GCSAML: variants seen among roughly 807,000 people sequenced by gnomAD.
GCSAML encodes the protein germinal center-associated signaling and motility-like protein.
In GCSAML, 9 loss-of-function variants were observed where a neutral mutation model predicts 13.0. That is an observed-to-expected ratio of 0.69 (90% CI 0.42 to 1.21). The LOEUF is 1.21. GCSAML is among the 50% of genes most tolerant of loss of function. GCSAML has a pLI of 0.00. For missense variants in GCSAML, 143 were observed against 153.4 expected (o/e 0.93, Z 0.36); for synonymous variants, 37 against 52.9 (o/e 0.70, Z 1.31).
intron 4 of GCSAML, 129 bp downstream of exon 4, chr1:247,566,088 T>A: frequency 6.6e-6 from 4 of 602,454 alleles, no homozygotes; most frequent in East Asian, 3.3e-5. Flanking sequence ...AATTTCTAAA[T>A]GTACTTTTAG....
intron 2 of GCSAML, 79 bp downstream of exon 2, chr1:247,556,545 C>A: frequency 1.0e-6 from 1 of 978,986 alleles, no homozygotes; most frequent in Non-Finnish European, 1.6e-6. Context: ...GAGTCTCTGC[C>A]CCACTAGAAC....
intron 2 of GCSAML, among the ~76,000 whole-genome samples, chr1:247,560,617 T>C (rs1434063554): frequency 6.6e-6 from 1 of 152,202 alleles, no homozygotes; most frequent in African/African-American, 2.4e-5. Flanking sequence ...TTTCTTGAGC[T>C]ATGAATGAAA....
In GCSAML at chr1:247,521,725, C is replaced by T. The variant is rs552696673; in HGVS notation, c.-262-5215C>T. Among the ~76,000 whole-genome samples the T allele has an allele frequency of 1.1e-4, 17 of 152,322 alleles. 1 individual carries two copies. Among genetic ancestry groups the T allele is most frequent in the South Asian group, 6.2e-4 (3 of 4,830 alleles). ...GGAGCGCAGTGGCATGATCTCAGCT[C>T]GCTACAACCTCCACCTCCCAGCCGC... is the stretch of plus-strand genomic sequence containing the variant. On this transcript the variant is annotated intron_variant, in intron 1 of 5. Coordinates refer to the GCSAML transcript ENST00000366489.
intron 2 of GCSAML, among the ~76,000 whole-genome samples, chr1:247,560,863 C>T (rs1438251561): frequency 1.3e-5 from 2 of 152,008 alleles, no homozygotes; most frequent in African/African-American, 4.8e-5. Flanking sequence ...TTGTTTTTTC[C>T]CCTGTGAAGT....
intron 3 of GCSAML, among the ~76,000 whole-genome samples, chr1:247,564,289 T>A (rs1292914964): frequency 6.6e-6 from 1 of 151,734 alleles, no homozygotes. Context: ...GGTGCACTCC[T>A]GTAGTCCCAG....
intron 1 of GCSAML, among the ~76,000 whole-genome samples, chr1:247,508,106 G>A (rs1665890247): frequency 6.6e-6 from 1 of 152,164 alleles, no homozygotes; most frequent in Admixed American, 6.5e-5. Flanking sequence ...TTCCACAATG[G>A]TTGAACTAAT....
intron 4 of GCSAML, among the ~76,000 whole-genome samples, chr1:247,567,334 C>A (rs1472841768): frequency 6.6e-6 from 1 of 151,926 alleles, no homozygotes; most frequent in African/African-American, 2.4e-5. Context: ...CCTTGCCCCC[C>A]ACACCCCAAC....
At chr1:247,571,083 T>C (rs373027225) in intron 4 of GCSAML, among the ~76,000 whole-genome samples, 1 of 152,148 alleles carries the variant, frequency 6.6e-6, no homozygotes, top group Non-Finnish European at 1.5e-5. Flanking sequence ...TTATTTTGAG[T>C]GTATGTGTGT....
At chr1:247,514,785 A>G (rs959895714) in intron 1 of GCSAML, among the ~76,000 whole-genome samples, 6 of 152,168 alleles carry the variant, frequency 3.9e-5, no homozygotes, top group Non-Finnish European at 7.4e-5. Context: ...ATTTAGCTTT[A>G]ATTACGGTTT....
chr1:247,522,456 G>A (rs1436291958), intron 1 of GCSAML, among the ~76,000 whole-genome samples: 3 of 144,264 alleles, frequency 2.1e-5, no homozygotes, highest in Non-Finnish European at 4.6e-5. Flanking sequence ...TGACGATGGC[G>A]GTTTTGTTGA....
rs1269007867 is a variant in GCSAML at position 247,527,394 on chromosome 1, A to T, written c.-148+340A>T. On this transcript the variant is annotated intron_variant, in intron 2 of 5. Coordinates refer to the GCSAML transcript ENST00000366489. The surrounding 1 kb of genome is among the most constrained non-coding windows in gnomAD (Gnocchi z 4.6). ...AGATATTTGGGGTAACGGGTCCCAG[A>T]GGGTCCTACTGCCACTTCCTCATTG... 1 of 166,880 alleles carries T rather than the reference A, an allele frequency of 6.0e-6. No homozygotes were observed. Among genetic ancestry groups the T allele is most frequent in the Non-Finnish European group, 1.3e-5 (1 of 77,298 alleles). The allele number at this position is 166,880 out of a possible 1,614,324, so 10.3% of individuals were successfully genotyped here. A position where few individuals can be genotyped will look rare whatever the true frequency, so the allele number is the denominator to read the frequency against.
intron 1 of GCSAML, among the ~76,000 whole-genome samples, chr1:247,523,558 A>T (rs1666533979): frequency 6.6e-6 from 1 of 152,212 alleles, no homozygotes; most frequent in Non-Finnish European, 1.5e-5. Flanking sequence ...TTTGTTCATT[A>T]TCCACATGGA....
chr1:247,531,318 T>C, intron 2 of GCSAML: 1 of 557,450 alleles, frequency 1.8e-6, no homozygotes, highest in Non-Finnish European at 3.2e-6. Context: ...ACAGTCAACA[T>C]GTGTATATAT....
chr1:247,509,565 T>C (rs975699601), intron 1 of GCSAML, among the ~76,000 whole-genome samples: 2 of 152,226 alleles, frequency 1.3e-5, no homozygotes, highest in Non-Finnish European at 1.5e-5. Flanking sequence ...AGAGAGGGCA[T>C]CCTTGTCTTG....
At chr1:247,513,047 A>C (rs1558232023) in intron 1 of GCSAML, among the ~76,000 whole-genome samples, 1 of 152,124 alleles carries the variant, frequency 6.6e-6, no homozygotes, top group African/African-American at 2.4e-5. Context: ...CTGTGTTGGG[A>C]GATCCATTGC....
chr1:247,510,007 C>G (rs201553163), intron 1 of GCSAML, among the ~76,000 whole-genome samples: 1 of 149,248 alleles, frequency 6.7e-6, no homozygotes, highest in Non-Finnish European at 1.5e-5. Context: ...CAGGATGATG[C>G]TGGCCTCATA....
intron 2 of GCSAML, among the ~76,000 whole-genome samples, chr1:247,541,491 G>A (rs1233464195): frequency 6.6e-6 from 1 of 152,134 alleles, no homozygotes; most frequent in African/African-American, 2.4e-5. Context: ...TGAAACTGGG[G>A]TGCAGATGGA....
chr1:247,546,399 C>T (rs1046697637), upstream of GCSAML, among the ~76,000 whole-genome samples: 3 of 152,076 alleles, frequency 2.0e-5, no homozygotes, highest in Admixed American at 2.0e-4. Context: ...CGCTCTGTCA[C>T]CCAGGCTGGA....
At chr1:247,512,683 G>A (rs1666081277) in intron 1 of GCSAML, among the ~76,000 whole-genome samples, 1 of 152,146 alleles carries the variant, frequency 6.6e-6, no homozygotes, top group South Asian at 2.1e-4. Flanking sequence ...GTGACCTTCA[G>A]ATGGGGTTTC....
Sources: gnomAD v4.1 joint callset for allele counts (sites outside exome capture counted in the v4.1 genomes callset) on GRCh38, gnomAD v4.1.1 for gene constraint, Gnocchi (gnomAD v3.1) non-coding constraint, MANE v1.5 for transcripts, NCBI Gene and HGNC (gene_info 2026-07-23, HGNC 2026-07-21) for gene names.